CAPN5: variants seen among roughly 807,000 people sequenced by gnomAD.
CAPN5 encodes calpain 5, also known as calpain-5.
In CAPN5, 54 loss-of-function variants were observed where a neutral mutation model predicts 73.0. That is an observed-to-expected ratio of 0.74 (90% confidence interval 0.59 to 0.93). CAPN5 has a LOEUF of 0.93. CAPN5 is among the 40% of genes least tolerant of loss of function. The probability of loss-of-function intolerance (pLI) is 0.00; values close to 1 mark genes in which losing one functional copy is unlikely to be tolerated. For missense variants in CAPN5, 785 were observed against 882.9 expected (o/e 0.89, Z 1.41); for synonymous variants, 335 against 356.9 (o/e 0.94, Z 0.69).
intron 9 of CAPN5, 64 bp from the exon 10 acceptor site, chr11:77,120,649 C>A (rs560316596): frequency 1.8e-6 from 2 of 1,098,978 alleles, no homozygotes; most frequent in East Asian, 2.4e-5. Flanking sequence ...GAGGGGGAGG[C>A]GGGGTGGGCC....
intron 4 of CAPN5, among the ~76,000 whole-genome samples, chr11:77,113,675 C>T (rs1282647762): frequency 6.6e-6 from 1 of 152,234 alleles, no homozygotes; most frequent in Non-Finnish European, 1.5e-5. Flanking sequence ...GTTCCACTTT[C>T]AATCCTAAGA....
intron 1 of CAPN5, among the ~76,000 whole-genome samples, chr11:77,071,426 C>A (rs538714199): frequency 6.6e-6 from 1 of 152,180 alleles, no homozygotes; most frequent in Non-Finnish European, 1.5e-5. Context: ...CAGACATTCA[C>A]GCAATAAGCC....
intron 3 of CAPN5, among the ~76,000 whole-genome samples, chr11:77,110,583 C>T (rs1555040619): frequency 6.6e-6 from 1 of 152,194 alleles, no homozygotes; most frequent in Admixed American, 6.5e-5. Context: ...AGCCTTCTGC[C>T]AGCACCTTCC....
intron 3 of CAPN5, among the ~76,000 whole-genome samples, chr11:77,094,789 C>T (rs1950190630): frequency 6.6e-6 from 1 of 152,252 alleles, no homozygotes; most frequent in Non-Finnish European, 1.5e-5. Context: ...AGATGCTGCA[C>T]TCAACATGCC....
chr11:77,116,195 C>A (rs373286055), intron 6 of CAPN5, 31 bp from the exon 7 acceptor site: 1 of 1,585,934 alleles, frequency 6.3e-7, no homozygotes, highest in African/African-American at 1.3e-5. Context: ...TTAGACAGCT[C>A]CCTTTCTCCT....
chr11:77,082,230 TG>T lies in CAPN5; in HGVS notation c.-35-2620del, dbSNP rs1277050008. Among the ~76,000 whole-genome samples the T allele has an allele frequency of 6.6e-5, 10 of 151,818 alleles. No homozygotes were observed. In the East Asian group the frequency reaches 1.9e-3, roughly 30 times the overall value. Reference sequence around the variant, plus strand: ...CAGAGCTTCAGCCCAGGGTGGAGAATGGTGGGGATGAGACTGGCAGGAGGAG... The same window carrying T: ...CAGAGCTTCAGCCCAGGGTGGAGAATGTGGGGATGAGACTGGCAGGAGGAG... On this transcript the variant is annotated intron_variant, in intron 1 of 12. Transcript: ENST00000648180.
chr11:77,087,184 A>G (rs1206960398), intron 2 of CAPN5, among the ~76,000 whole-genome samples: 1 of 152,212 alleles, frequency 6.6e-6, no homozygotes, highest in Non-Finnish European at 1.5e-5. Flanking sequence ...GTGTGTAGGC[A>G]CTGCCTACTG....
chr11:77,094,297 G>A (rs1319040968), intron 3 of CAPN5, among the ~76,000 whole-genome samples: 1 of 152,182 alleles, frequency 6.6e-6, no homozygotes. Context: ...AGCTGCTGGT[G>A]TTCTGGACCA....
At chr11:77,088,084 G>A in intron 2 of CAPN5, 1 of 1,520,028 alleles carries the variant, frequency 6.6e-7, no homozygotes, top group Non-Finnish European at 8.8e-7. Flanking sequence ...CTGTCACCCT[G>A]TGGGGGCAAC....
intron 12 of CAPN5, among the ~76,000 whole-genome samples, chr11:77,123,309 C>T (rs1418205874): frequency 6.6e-6 from 1 of 152,198 alleles, no homozygotes; most frequent in Non-Finnish European, 1.5e-5. Context: ...CACTGAGTCC[C>T]ACTGGATCAA....
chr11:77,078,911 T>G (rs1950000490), intron 1 of CAPN5, among the ~76,000 whole-genome samples: 1 of 152,154 alleles, frequency 6.6e-6, no homozygotes, highest in Non-Finnish European at 1.5e-5. Context: ...GCTACTGATT[T>G]CTGTGTATTC....
chr11:77,114,920 G>A (rs369324999), intron 5 of CAPN5, among the ~76,000 whole-genome samples: 3 of 152,058 alleles, frequency 2.0e-5, no homozygotes, highest in Non-Finnish European at 2.9e-5. Flanking sequence ...ATTCCTGGCC[G>A]GGCATGGTGG....
chr11:77,075,246 G>A (rs1949957159), intron 1 of CAPN5, among the ~76,000 whole-genome samples: 1 of 152,082 alleles, frequency 6.6e-6, no homozygotes, highest in African/African-American at 2.4e-5. Context: ...CCTCCTCAGG[G>A]CTGAAAACAT....
intron 1 of CAPN5, among the ~76,000 whole-genome samples, chr11:77,079,149 CTTATTA>C (rs57426663): frequency 7.3e-5 from 11 of 150,326 alleles, no homozygotes; most frequent in African/African-American, 2.2e-4. Flanking sequence ...AATTATTTGC[CTTATTA>C]TTATTATTAT....
chr11:77,089,014 T>TC (rs1232732353), intron 2 of CAPN5, among the ~76,000 whole-genome samples: 17 of 152,062 alleles, frequency 1.1e-4, no homozygotes, highest in East Asian at 3.9e-4. Context: ...CACCACTTTG[T>TC]CCCCCCTCCC....
intron 1 of CAPN5, among the ~76,000 whole-genome samples, chr11:77,073,888 G>A (rs1949938238): frequency 6.6e-6 from 1 of 152,164 alleles, no homozygotes; most frequent in African/African-American, 2.4e-5. Flanking sequence ...GCTCTGGGTG[G>A]CCTAGGGGCT....
intron 1 of CAPN5, among the ~76,000 whole-genome samples, chr11:77,078,869 T>C (rs1555034243): frequency 6.6e-6 from 1 of 152,198 alleles, no homozygotes; most frequent in African/African-American, 2.4e-5. Flanking sequence ...TTCTTGACTC[T>C]TTTGAGTAGT....
rs1064797159 is a variant in CAPN5, at chr11:77,120,821, C to A, written c.1399C>A (p.Arg467Ser). The A allele has an allele frequency of 6.2e-7, 1 of 1,614,086 alleles. No homozygotes were observed. The highest frequency in any genetic ancestry group is 2.2e-5 in the East Asian group (1 of 44,904). The part of the protein sequence containing the change: ...VFLRTDQPEG[R>S]YVIIPTTFEP... ...CCTGCGCACCGACCAGCCCGAGGGCCGCTATGTCATCATCCCCACAACCTT... is the reference window on the plus strand; with the variant it reads ...CCTGCGCACCGACCAGCCCGAGGGCAGCTATGTCATCATCCCCACAACCTT... Residue 467 changes from arginine (R) to serine (S), a missense_variant, in exon 10 of 13, where the codon CGC becomes AGC. Transcript: ENST00000648180.
At chr11:77,086,647 A>G (rs1019128622) in intron 2 of CAPN5, among the ~76,000 whole-genome samples, 3 of 152,318 alleles carry the variant, frequency 2.0e-5, no homozygotes, top group South Asian at 4.1e-4. Flanking sequence ...CTTGGCCTCA[A>G]AGGGCCTTTG....
Sources: gnomAD v4.1 joint callset for allele counts (sites outside exome capture counted in the v4.1 genomes callset) on GRCh38, gnomAD v4.1.1 for gene constraint, MANE v1.5 for transcripts, NCBI Gene and HGNC (gene_info 2026-07-23, HGNC 2026-07-21) for gene names.